Variants in NRXN3 observed in about 807,000 individuals in gnomAD.
The protein encoded by NRXN3 is neurexin III.
Under a neutral mutation model 137.6 loss-of-function variants are expected in NRXN3, and 32 were observed. That is an observed-to-expected ratio of 0.23 (90% CI 0.18 to 0.31). NRXN3 has a LOEUF of 0.31. Ranked by LOEUF, NRXN3 falls within the 10% of genes least tolerant of loss-of-function variation. NRXN3 has a pLI of 1.00. For synonymous variants in NRXN3, 798 were observed against 784.5 expected (o/e 1.02, Z -0.29); for missense variants, 1,574 against 2,062.5 (o/e 0.76, Z 4.59).
chr14:78,928,987 C>T (rs1414251514), intron 10 of NRXN3, among the ~76,000 whole-genome samples: 2 of 152,122 alleles, frequency 1.3e-5, no homozygotes, highest in Non-Finnish European at 2.9e-5. Context: ...TAATGATCTC[C>T]ATTCTAACTG....
chr14:78,972,507 G>A lies in NRXN3; in HGVS notation c.3142+4161G>A, dbSNP rs541438534. Among the ~76,000 whole-genome samples, 3 of 152,260 alleles carry A rather than the reference G, an allele frequency of 2.0e-5. No homozygotes were observed. The East Asian group carries it at 5.8e-4, about 30-fold the overall frequency. ...CTAATGTTTAGAAGTATTTCTATGGGCTCCATCTGATTGCACACACGTGTC... is the reference window on the plus strand; with the variant it reads ...CTAATGTTTAGAAGTATTTCTATGGACTCCATCTGATTGCACACACGTGTC... On this transcript the variant is annotated intron_variant, in intron 14 of 20. Coordinates refer to ENST00000335750, the MANE Select transcript of NRXN3 (RefSeq NM_001330195.2).
chr14:78,643,061 G>A (rs1391862869), intron 4 of NRXN3, among the ~76,000 whole-genome samples: 1 of 152,138 alleles, frequency 6.6e-6, no homozygotes, highest in Non-Finnish European at 1.5e-5. Flanking sequence ...TAACTCCCTG[G>A]AGTATGAAGC....
chr14:78,503,030 A>G (rs11159363), intron 4 of NRXN3, among the ~76,000 whole-genome samples: 63,428 of 152,088 alleles, frequency 0.42, 13,411 homozygotes, highest in East Asian at 0.51. Flanking sequence ...ACTTGGGAGG[A>G]AAGCAGTGCC....
At chr14:78,542,095 G>A (rs1339780337) in intron 4 of NRXN3, among the ~76,000 whole-genome samples, 1 of 152,232 alleles carries the variant, frequency 6.6e-6, no homozygotes, top group Non-Finnish European at 1.5e-5. Flanking sequence ...ATCCCCTACT[G>A]GGAGGTGTCT....
At chr14:78,892,874 A>C (rs2099163271) in intron 10 of NRXN3, among the ~76,000 whole-genome samples, 1 of 151,722 alleles carries the variant, frequency 6.6e-6, no homozygotes, top group South Asian at 2.1e-4. Context: ...AGGAAGCTGC[A>C]TAAAAACAAA....
At position 79,759,388 on chromosome 14, in the gene NRXN3, A is replaced by G. The variant is rs531895923; in HGVS notation, c.4015-45724A>G. ...CTGTTTTTACAAGAAAAAAAGCCCA[A>G]TGAAATGTAAACCTTGTTTTCTTCA... On this transcript the variant is annotated intron_variant, in intron 19 of 20. Transcript: ENST00000335750. Among the ~76,000 whole-genome samples, 11 of 151,774 alleles carry G rather than the reference A, an allele frequency of 7.2e-5. 2 individuals carry two copies. The highest frequency in any genetic ancestry group is 1.9e-4 in the African/African-American group (8 of 41,068).
chr14:78,444,844 G>A (rs574014185), intron 4 of NRXN3, among the ~76,000 whole-genome samples: 10 of 141,138 alleles, frequency 7.1e-5, no homozygotes, highest in African/African-American at 1.9e-4. Context: ...ACGTGAACCC[G>A]GGAGGCAGAG....
At chr14:78,881,759 G>A (rs2099129744) in intron 10 of NRXN3, among the ~76,000 whole-genome samples, 1 of 151,774 alleles carries the variant, frequency 6.6e-6, no homozygotes, top group African/African-American at 2.4e-5. Flanking sequence ...GCTTGCTGAT[G>A]TGCCAGAAAA....
intron 15 of NRXN3, among the ~76,000 whole-genome samples, chr14:79,317,810 C>T (rs1292170040): frequency 5.9e-5 from 9 of 152,068 alleles, no homozygotes; most frequent in African/African-American, 2.2e-4. Context: ...TTTCATAGCA[C>T]ATTTAGTGTA....
intron 16 of NRXN3, among the ~76,000 whole-genome samples, chr14:79,654,701 TA>T (rs1170480823): frequency 6.6e-6 from 1 of 152,182 alleles, no homozygotes. Flanking sequence ...CCCTAAGTAC[TA>T]AATCTCTCCA....
At chr14:79,142,841 T>A (rs1455629849) in intron 15 of NRXN3, among the ~76,000 whole-genome samples, 2 of 152,130 alleles carry the variant, frequency 1.3e-5, no homozygotes, top group African/African-American at 4.8e-5. Flanking sequence ...TATTGTGGAT[T>A]TGCTCAGTGG....
At chr14:78,483,200 A>G (rs1028986364) in intron 4 of NRXN3, among the ~76,000 whole-genome samples, 6 of 152,198 alleles carry the variant, frequency 3.9e-5, no homozygotes, top group African/African-American at 1.4e-4. Context: ...AAACCCCAAA[A>G]AACCCCACAA....
chr14:79,367,240 C>G (rs1404334784), intron 15 of NRXN3, among the ~76,000 whole-genome samples: 1 of 152,304 alleles, frequency 6.6e-6, no homozygotes, highest in East Asian at 1.9e-4. Context: ...GCCTCAGCCT[C>G]CAAAAGTGCT....
intron 4 of NRXN3, among the ~76,000 whole-genome samples, chr14:78,561,335 A>G (rs1272544650): frequency 6.6e-6 from 1 of 152,234 alleles, no homozygotes; most frequent in African/African-American, 2.4e-5. Context: ...ACTGGAAATG[A>G]CAGAGAATAT....
chr14:78,661,609 T>C (rs531116188), intron 6 of NRXN3, among the ~76,000 whole-genome samples: 2 of 152,352 alleles, frequency 1.3e-5, no homozygotes, highest in East Asian at 3.9e-4. Context: ...TGAGGTTGAA[T>C]TAATAGAGGT....
intron 2 of NRXN3, among the ~76,000 whole-genome samples, chr14:78,244,162 G>T (rs1051748982): frequency 6.6e-6 from 1 of 152,180 alleles, no homozygotes; most frequent in Non-Finnish European, 1.5e-5. Flanking sequence ...AGGCAAGGTG[G>T]CTCACACCTG....
chr14:78,434,427 C>G (rs2093993719), intron 4 of NRXN3, among the ~76,000 whole-genome samples: 1 of 152,154 alleles, frequency 6.6e-6, no homozygotes, highest in African/African-American at 2.4e-5. Context: ...TAGGCCAACC[C>G]TAATGACCCC....
At chr14:79,594,346 C>G (rs10483926) in intron 16 of NRXN3, among the ~76,000 whole-genome samples, 17,501 of 152,106 alleles carry the variant, frequency 0.12, 1,135 homozygotes, top group South Asian at 0.23. Flanking sequence ...AAAAAATATC[C>G]TGCCATAGAG....
chr14:79,437,552 C>T (rs1165765733), intron 15 of NRXN3, among the ~76,000 whole-genome samples: 1 of 152,190 alleles, frequency 6.6e-6, no homozygotes, highest in Non-Finnish European at 1.5e-5. Flanking sequence ...CAGATTGATA[C>T]ATCATGTTGT....
Sources: allele counts gnomAD v4.1 joint callset (sites outside exome capture counted in the v4.1 genomes callset), GRCh38; gene constraint gnomAD v4.1.1; transcripts MANE v1.5; gene names NCBI Gene and HGNC (gene_info 2026-07-23, HGNC 2026-07-21).